The following NAV2 variants were observed in gnomAD, a reference collection of about 807,000 sequenced individuals.
NAV2 encodes helicase, APC down-regulated 1.
In NAV2, 54 loss-of-function variants were observed where a neutral mutation model predicts 223.2. The ratio of observed to expected loss-of-function variants is 0.24; its 90% CI spans 0.19 to 0.30. The LOEUF (loss-of-function observed/expected upper bound fraction) is 0.30. Ranked by LOEUF, NAV2 falls within the 10% of genes least tolerant of loss-of-function variation. The pLI is 1.00. For synonymous variants in NAV2, 1,279 were observed against 1,239.3 expected (o/e 1.03, Z -0.67); for missense variants, 2,806 against 3,147.5 (o/e 0.89, Z 2.60).
chr11:19,503,984 A>G (rs977779100), intron 1 of NAV2: 8 of 152,210 alleles, frequency 5.3e-5, no homozygotes, highest in African/African-American at 1.9e-4. Flanking sequence ...GAAACAAACA[A>G]CCTGATTAAA....
At chr11:19,991,183 C>A (rs1458628673) in intron 11 of NAV2, among the ~76,000 whole-genome samples, 1 of 152,188 alleles carries the variant, frequency 6.6e-6, no homozygotes, top group East Asian at 1.9e-4. Flanking sequence ...GGCTGGAGTG[C>A]AATGGCATGA....
At chr11:19,416,669 A>T (rs907362919) in intron 1 of NAV2, among the ~76,000 whole-genome samples, 2 of 152,212 alleles carry the variant, frequency 1.3e-5, no homozygotes, top group African/African-American at 4.8e-5. Flanking sequence ...ACAAAGCTGG[A>T]GGCATCACAT....
chr11:19,468,785 G>A (rs551390713), intron 1 of NAV2, among the ~76,000 whole-genome samples: 2 of 152,258 alleles, frequency 1.3e-5, no homozygotes, highest in Admixed American at 6.5e-5. Context: ...ACTGCATAGT[G>A]AGGTCCTTCT....
At chr11:19,639,617 G>A (rs1379870559) in intron 1 of NAV2, among the ~76,000 whole-genome samples, 1 of 152,208 alleles carries the variant, frequency 6.6e-6, no homozygotes, top group East Asian at 1.9e-4. Flanking sequence ...TAGGCCCACT[G>A]ATGTGGAGGT....
intron 1 of NAV2, among the ~76,000 whole-genome samples, chr11:19,474,180 G>A (rs111954600): frequency 1.5e-4 from 23 of 152,248 alleles, no homozygotes; most frequent in African/African-American, 5.3e-4. Flanking sequence ...AGTCCTTTTT[G>A]CCTGCAGCCA....
intron 1 of NAV2, among the ~76,000 whole-genome samples, chr11:19,605,875 A>G (rs2046463923): frequency 6.6e-6 from 1 of 152,144 alleles, no homozygotes. Context: ...GGGACATCCT[A>G]TTAATATGCA....
intron 1 of NAV2, among the ~76,000 whole-genome samples, chr11:19,784,848 A>T (rs1394581924): frequency 6.6e-6 from 1 of 152,214 alleles, no homozygotes; most frequent in Non-Finnish European, 1.5e-5. Flanking sequence ...CGCTCAGTAC[A>T]GGACCTGACA....
At chr11:19,620,420 T>C (rs2046953911) in intron 1 of NAV2, among the ~76,000 whole-genome samples, 2 of 152,352 alleles carry the variant, frequency 1.3e-5, no homozygotes, top group Admixed American at 1.3e-4. Flanking sequence ...TTTGTTTGTG[T>C]CCTCTTTTAT....
At chr11:20,022,891 A>G (rs2054634388) in intron 11 of NAV2, 1 of 1,378,694 alleles carries the variant, frequency 7.3e-7, no homozygotes, top group Non-Finnish European at 9.4e-7. Flanking sequence ...TCGATCCTTC[A>G]GCACTTCAGA....
intron 11 of NAV2, among the ~76,000 whole-genome samples, chr11:20,006,631 C>T (rs982617590): frequency 3.9e-5 from 6 of 152,062 alleles, no homozygotes; most frequent in African/African-American, 1.4e-4. Context: ...GCCAAGATCG[C>T]ACCATTGCAC....
intron 1 of NAV2, among the ~76,000 whole-genome samples, chr11:19,565,571 C>G (rs1192141703): frequency 5.9e-5 from 9 of 152,168 alleles, no homozygotes; most frequent in Admixed American, 5.9e-4. Context: ...CTGATCTCTC[C>G]CTTAACCACC....
chr11:20,041,559 T>C (rs949036262), intron 12 of NAV2, among the ~76,000 whole-genome samples: 1 of 152,192 alleles, frequency 6.6e-6, no homozygotes, highest in African/African-American at 2.4e-5. Flanking sequence ...TAACCCAGGA[T>C]GTGGCATGTG....
intron 29 of NAV2, among the ~76,000 whole-genome samples, 173 bp downstream of exon 29, chr11:20,093,372 G>A (rs1257865115): frequency 6.6e-6 from 1 of 152,154 alleles, no homozygotes; most frequent in Admixed American, 6.5e-5. Flanking sequence ...CACAAGTAAA[G>A]TGTGCGAACG....
At chr11:19,383,511 T>A (rs1265409917) in intron 1 of NAV2, among the ~76,000 whole-genome samples, 2 of 152,218 alleles carry the variant, frequency 1.3e-5, no homozygotes, top group Non-Finnish European at 2.9e-5. Flanking sequence ...TAGACCCTTT[T>A]TAAAAAGCCC....
Position 20,010,603 on chromosome 11 carries a change from G to A in NAV2, c.2769-25356G>A, listed in dbSNP as rs182201413. ...AATGTCCTTGGATTTTTTAGAAAGC[G>A]CCCAAGTCTATAATATATGTACAGC... On this transcript the variant is annotated intron_variant, in intron 11 of 37. Coordinates refer to ENST00000349880, the MANE Select transcript of NAV2 (RefSeq NM_145117.5). 7.1e-4 allele frequency among the ~76,000 whole-genome samples: 108 copies of A among 152,006 alleles called. 1 individual carries two copies. The highest frequency in any genetic ancestry group is 2.4e-3 in the African/African-American group (98 of 41,442).
chr11:19,483,314 A>G (rs2042337342), intron 1 of NAV2, among the ~76,000 whole-genome samples: 1 of 152,124 alleles, frequency 6.6e-6, no homozygotes, highest in Admixed American at 6.5e-5. Flanking sequence ...TGAATCCTCC[A>G]TTTTCCCAGT....
Position 20,043,986 on chromosome 11 carries a change from T to C in NAV2, c.2913T>C (p.Asp971=), listed in dbSNP as rs944532161. The C allele has an allele frequency of 2.5e-6, 4 of 1,613,590 alleles. No individual in the cohort carries two copies. Among genetic ancestry groups the C allele is most frequent in the Middle Eastern group, 1.7e-4 (1 of 6,060 alleles). ...CAGAGAGTCTCTGTCCACAGACTGA[T>C]GCTGAGAAGCACTCACAGGTGGAGA... ...SSRKNLDVQT[D]AEKHSQVERN... The change falls in exon 13 of 38, where the codon GAT becomes GAC. Residue 971 remains aspartate (D), a synonymous_variant. Transcript: ENST00000349880.
chr11:19,445,800 A>G (rs2632015), intron 1 of NAV2, among the ~76,000 whole-genome samples: 52,032 of 149,240 alleles, frequency 0.35, 9,825 homozygotes, highest in East Asian at 0.54. Flanking sequence ...GATGGAGGGA[A>G]GTTACATGTG....
At chr11:19,625,186 G>C (rs2047129576) in intron 1 of NAV2, among the ~76,000 whole-genome samples, 1 of 152,140 alleles carries the variant, frequency 6.6e-6, no homozygotes, top group Non-Finnish European at 1.5e-5. Context: ...CTGTGATTTT[G>C]TATTCTTCAA....
Sources: gnomAD v4.1 joint callset for allele counts (sites outside exome capture counted in the v4.1 genomes callset) on GRCh38, gnomAD v4.1.1 for gene constraint, MANE v1.5 for transcripts, NCBI Gene and HGNC (gene_info 2026-07-23, HGNC 2026-07-21) for gene names.